The following ERC2 variants were observed in gnomAD, a reference collection of about 807,000 sequenced individuals.
ERC2 encodes ELKS/RAB6-interacting/CAST family member 2.
A neutral mutation model predicts 114.8 loss-of-function variants in ERC2; 42 were observed. The ratio of observed to expected loss-of-function variants is 0.37; its 90% confidence interval spans 0.29 to 0.47. The LOEUF (loss-of-function observed/expected upper bound fraction) is 0.47. ERC2 is among the 20% of genes least tolerant of loss of function. The pLI is 0.99. For synonymous variants in ERC2, 454 were observed against 425.5 expected, an observed-to-expected ratio of 1.07 and a Z score of -0.82; for missense variants, 939 against 1,150.7, an observed-to-expected ratio of 0.82 and a Z score of 2.66.
chr3:55,802,819 C>T (rs2059354094), intron 14 of ERC2, among the ~76,000 whole-genome samples: 1 of 152,126 alleles, frequency 6.6e-6, no homozygotes, highest in African/African-American at 2.4e-5. Context: ...GAAGATGACA[C>T]TACCCCACTG....
chr3:56,458,773 A>G (rs538072855), intron 1 of ERC2, among the ~76,000 whole-genome samples: 156 of 152,324 alleles, frequency 1.0e-3, no homozygotes, highest in African/African-American at 3.5e-3. Context: ...TTACAGCCTT[A>G]GAAGGGAAGG....
chr3:55,815,732 G>A (rs943414093), intron 14 of ERC2, among the ~76,000 whole-genome samples: 3 of 152,160 alleles, frequency 2.0e-5, no homozygotes, highest in Admixed American at 2.0e-4. Flanking sequence ...TAACGCGGGG[G>A]ATTCCCCAGA....
At chr3:55,981,620 GGA>G (rs1023681647) in intron 12 of ERC2, among the ~76,000 whole-genome samples, 1 of 152,086 alleles carries the variant, frequency 6.6e-6, no homozygotes, top group Non-Finnish European at 1.5e-5. Context: ...GGGAGGAGAG[GGA>G]GAGAGAGGAA....
intron 2 of ERC2, among the ~76,000 whole-genome samples, chr3:56,311,573 A>C (rs2150396589): frequency 6.6e-6 from 1 of 151,948 alleles, no homozygotes; most frequent in South Asian, 2.1e-4. Context: ...TGATGGGATT[A>C]CAGGCTTGAG....
rs1177154050 is a variant in ERC2, at chr3:55,771,711, C to G, written c.2565-36793G>C. Among the ~76,000 whole-genome samples, 4 of 108,690 alleles carry G rather than the reference C, an allele frequency of 3.7e-5. No homozygotes were observed. The Admixed American group carries it at 4.0e-4, about 11-fold the overall frequency. 71.3% of individuals were successfully genotyped at this position (108,690 alleles called of 152,430 possible). A position where few individuals can be genotyped will look rare whatever the true frequency, so the allele number is the denominator to read the frequency against. On this transcript the variant is annotated intron_variant, in intron 14 of 17. Transcript: ENST00000288221. ...GTCAAAACAGCAGTAACTCTTGCTC[C>G]CATTGCACTGAGGCGAGATAATTAA... is the stretch of plus-strand genomic sequence containing the variant.
intron 6 of ERC2, among the ~76,000 whole-genome samples, chr3:56,085,235 C>T (rs1345244128): frequency 6.6e-6 from 1 of 152,154 alleles, no homozygotes; most frequent in Non-Finnish European, 1.5e-5. Flanking sequence ...AGTTGTGTTT[C>T]TAAAGGTCAA....
Position 56,139,652 on chromosome 3 carries a change from A to C in ERC2, c.1330T>G (p.Ser444Ala). Reference sequence around the variant, plus strand: ...GCAAGAAGTTCCGACTCTTTCTTTGAAAGTTCCTGCTTCAGCTGATCAATC... The same window carrying C: ...GCAAGAAGTTCCGACTCTTTCTTTGCAAGTTCCTGCTTCAGCTGATCAATC... Reference protein sequence around the residue: ...TKIDQLKQELSKKESELLALQ... With the variant: ...TKIDQLKQELAKKESELLALQ... The change falls in exon 6 of 18, where the codon TCA (serine) becomes GCA (alanine). Residue 444 changes from serine to alanine, a missense_variant. Transcript: ENST00000288221. 6.2e-7 allele frequency: 1 copy of C among 1,606,896 alleles called. No homozygotes were observed. Among genetic ancestry groups the C allele is most frequent in the Non-Finnish European group, 8.5e-7 (1 of 1,176,254 alleles).
At chr3:56,156,947 C>CA (rs1377837484) in intron 4 of ERC2, among the ~76,000 whole-genome samples, 1 of 151,628 alleles carries the variant, frequency 6.6e-6, no homozygotes, top group Non-Finnish European at 1.5e-5. Context: ...CAAACAACAA[C>CA]AAAAAAACAA....
At chr3:56,076,641 T>C (rs948557279) in intron 7 of ERC2, among the ~76,000 whole-genome samples, 24 of 152,288 alleles carry the variant, frequency 1.6e-4, no homozygotes, top group African/African-American at 5.3e-4. Context: ...TGTCTTGGAA[T>C]TACAGAGTAC....
At chr3:56,179,785 G>A (rs931080375) in intron 3 of ERC2, among the ~76,000 whole-genome samples, 2 of 152,002 alleles carry the variant, frequency 1.3e-5, no homozygotes, top group Non-Finnish European at 2.9e-5. Flanking sequence ...GGTTTTGTAT[G>A]TGTTAAGTTT....
At chr3:56,296,623 T>C (rs538984390) in intron 2 of ERC2, among the ~76,000 whole-genome samples, 188 bp from the exon 3 acceptor site, 1 of 152,276 alleles carries the variant, frequency 6.6e-6, no homozygotes, top group South Asian at 2.1e-4. Context: ...GGGAGATTAA[T>C]TCAGTGATGC....
intron 13 of ERC2, among the ~76,000 whole-genome samples, chr3:55,896,803 C>T (rs1359755956): frequency 6.6e-6 from 1 of 152,136 alleles, no homozygotes; most frequent in African/African-American, 2.4e-5. Context: ...TTTCTTCAAG[C>T]TAGATGTTGA....
rs1336428449 is a variant in ERC2, at chr3:56,291,105, A to G, written c.1074+4914T>C. ...AGAAAATAGTAAGCAGGGTAAGTAT[A>G]AGAGGATCTTGGTCTATTAATCCAT... On this transcript the variant is annotated intron_variant, in intron 3 of 17. Coordinates refer to ENST00000288221, the MANE Select transcript of ERC2 (RefSeq NM_015576.3). 2.6e-5 allele frequency among the ~76,000 whole-genome samples: 4 copies of G among 152,244 alleles called. No individual in the cohort carries two copies. In the East Asian group the frequency reaches 7.7e-4, roughly 29 times the overall value.
At chr3:56,446,389 G>C (rs1041040706) in intron 1 of ERC2, among the ~76,000 whole-genome samples, 2 of 152,060 alleles carry the variant, frequency 1.3e-5, no homozygotes, top group East Asian at 3.9e-4. Context: ...TGGAGACCTC[G>C]CATGCTGTAT....
At chr3:55,745,427 T>A (rs570948937) in intron 14 of ERC2, among the ~76,000 whole-genome samples, 5 of 152,176 alleles carry the variant, frequency 3.3e-5, no homozygotes, top group South Asian at 2.1e-4. Context: ...AAAAATATTT[T>A]AAAAAATTGG....
intron 14 of ERC2, among the ~76,000 whole-genome samples, chr3:55,862,172 GTA>G (rs2062058462): frequency 6.6e-6 from 1 of 152,084 alleles, no homozygotes; most frequent in Admixed American, 6.6e-5. Flanking sequence ...TGTATTTTAT[GTA>G]TGTGTGTGTG....
At chr3:55,891,021 G>A (rs1418294612) in intron 13 of ERC2, among the ~76,000 whole-genome samples, 1 of 152,174 alleles carries the variant, frequency 6.6e-6, no homozygotes, top group Non-Finnish European at 1.5e-5. Context: ...TTCCTTTGCT[G>A]CCAAAACAAG....
At chr3:55,799,282 C>A (rs2070777985) in intron 14 of ERC2, among the ~76,000 whole-genome samples, 1 of 151,152 alleles carries the variant, frequency 6.6e-6, no homozygotes, top group African/African-American at 2.4e-5. Context: ...GAGGGCAGTA[C>A]CTTGATTTAC....
chr3:55,587,828 C>T (rs912512798), intron 17 of ERC2, among the ~76,000 whole-genome samples: 1 of 152,140 alleles, frequency 6.6e-6, no homozygotes, highest in Non-Finnish European at 1.5e-5. Context: ...CTAGTAATGA[C>T]CTTTTAAACC....
Sources: allele counts gnomAD v4.1 joint callset (sites outside exome capture counted in the v4.1 genomes callset), GRCh38; gene constraint gnomAD v4.1.1; transcripts MANE v1.5; gene names NCBI Gene and HGNC (gene_info 2026-07-23, HGNC 2026-07-21).